The following POLE variants were observed in gnomAD, a reference collection of about 807,000 sequenced individuals.
POLE encodes DNA polymerase epsilon catalytic subunit A.
POLE carries 188 observed loss-of-function variants against 279.2 expected under a neutral mutation model. The ratio of observed to expected loss-of-function variants is 0.67; its 90% CI spans 0.60 to 0.76. The LOEUF (loss-of-function observed/expected upper bound fraction) is 0.76, where lower values mean the gene tolerates loss of function less well. Ranked by LOEUF, POLE falls within the 30% of genes least tolerant of loss-of-function variation. The pLI is 0.00. For missense variants in POLE, 2,703 were observed against 3,016.7 expected, an observed-to-expected ratio of 0.90 and a Z score of 2.44; for synonymous variants, 1,214 against 1,172.5, an observed-to-expected ratio of 1.04 and a Z score of -0.72.
chr12:132,677,097 C>T (rs921470451), intron 8 of POLE, among the ~76,000 whole-genome samples: 8 of 152,244 alleles, frequency 5.3e-5, no homozygotes, highest in African/African-American at 1.9e-4. Context: ...TCACTATCAA[C>T]TACCCAAACG....
In POLE at chr12:132,660,991, C is replaced by G. The variant is rs778450132; in HGVS notation, c.3038G>C (p.Trp1013Ser). The change falls in exon 25 of 49, where the codon TGG becomes TCG. Residue 1013 changes from tryptophan (W) to serine (S), a missense_variant. By Grantham distance (177) the Trp-to-Ser change is radical. Transcript: ENST00000320574. ...YGSVAKVADY[W>S]LDVLYSKAAN... ...TACCTTGCTGTACAGCACGTCCAGC[C>G]AGTAGTCAGCCACCTTGGCTACAGA... is the stretch of plus-strand genomic sequence containing the variant. The G allele has an allele frequency of 1.2e-6, 2 of 1,612,916 alleles. No individual in the cohort carries two copies. Among genetic ancestry groups the G allele is most frequent in the Non-Finnish European group, 1.7e-6 (2 of 1,179,404 alleles).
chr12:132,679,752 C>G, intron 5 of POLE, 101 bp from the exon 6 acceptor site: 1 of 1,372,514 alleles, frequency 7.3e-7, no homozygotes, highest in Non-Finnish European at 1.0e-6. Flanking sequence ...AAAGAGTTGG[C>G]GACTTCAAGG....
chr12:132,669,336 C>A (rs1275915708), intron 16 of POLE, among the ~76,000 whole-genome samples: 1 of 151,970 alleles, frequency 6.6e-6, no homozygotes, highest in East Asian at 1.9e-4. Context: ...GTGGCGGTGG[C>A]ACCTGTAGTC....
chr12:132,662,046 T>C (rs1051057356), intron 23 of POLE, among the ~76,000 whole-genome samples: 4 of 152,206 alleles, frequency 2.6e-5, no homozygotes, highest in African/African-American at 9.7e-5. Flanking sequence ...TGCTTCGTGG[T>C]GCTGGACACA....
chr12:132,644,636 G>A (rs1024579420), intron 32 of POLE, among the ~76,000 whole-genome samples: 2 of 152,212 alleles, frequency 1.3e-5, no homozygotes, highest in Admixed American at 6.5e-5. Flanking sequence ...TCAGAGAAAC[G>A]GAAAGAGAGC....
chr12:132,642,193 T>C lies in POLE; in HGVS notation c.5157A>G (p.Ser1719=). The part of the protein sequence containing the change: ...DDQATVEINS[S]GCYSTVCVEL... The stretch of plus-strand genomic sequence containing the variant: ...CCCACTTACCTGTGGAGTAACAGCC[T>C]GAACTGTTGATCTCAACAGTGGCTT... The change falls in exon 38 of 49, where the codon TCA becomes TCG. Residue 1719 remains serine, a synonymous_variant. Coordinates refer to ENST00000320574, the MANE Select transcript of POLE (RefSeq NM_006231.4). The C allele has an allele frequency of 6.3e-7, 1 of 1,582,874 alleles. No homozygotes were observed. The highest frequency in any genetic ancestry group is 1.2e-5 in the South Asian group (1 of 85,644).
At chr12:132,680,809 C>A in intron 2 of POLE, 122 bp from the exon 3 acceptor site, 2 of 757,312 alleles carry the variant, frequency 2.6e-6, no homozygotes, top group South Asian at 1.6e-5. Context: ...GGTCTTTACT[C>A]CACCCCTACA....
At position 132,664,019 on chromosome 12, in the gene POLE, C is replaced by T. The variant is rs2135956499; in HGVS notation, c.2691G>A (p.Leu897=). The T allele has an allele frequency of 6.2e-7, 1 of 1,614,150 alleles. No individual in the cohort carries two copies. The highest frequency in any genetic ancestry group is 8.5e-7 in the Non-Finnish European group (1 of 1,180,046). The change falls in exon 23 of 49, where the codon TTG becomes TTA. Residue 897 remains leucine (L), a synonymous_variant. Transcript: ENST00000320574. This position sits in a 1 kb window ranked among gnomAD's most constrained non-coding sequence, Gnocchi z 5.3. ...KVTISYPGAM[L]NIMVKEGFTN... The stretch of plus-strand genomic sequence containing the variant: ...CCAGACTCACCTTGACCATGATGTT[C>T]AACATGGCGCCTGGGTAGGAGATGG...
At chr12:132,666,451 G>A (rs1193362976) in intron 20 of POLE, among the ~76,000 whole-genome samples, 3 of 152,230 alleles carry the variant, frequency 2.0e-5, no homozygotes, top group Non-Finnish European at 2.9e-5. Context: ...AGGCGTGATG[G>A]TACGCCTGTG....
intron 1 of POLE, among the ~76,000 whole-genome samples, chr12:132,682,311 A>AT (rs1555230618): frequency 1.6e-4 from 12 of 74,380 alleles, no homozygotes; most frequent in South Asian, 5.3e-4. Flanking sequence ...AAAATAAATA[A>AT]AAATAAATAA....
In POLE at chr12:132,639,574, G is replaced by C. The variant is rs2042100535; in HGVS notation, c.5379-276C>G. 6.6e-6 allele frequency among the ~76,000 whole-genome samples: 1 copy of C among 151,952 alleles called. No homozygotes were observed. Among genetic ancestry groups the C allele is most frequent in the Admixed American group, 6.5e-5 (1 of 15,270 alleles). On this transcript the variant is annotated intron_variant, in intron 39 of 48. Coordinates refer to ENST00000320574, the MANE Select transcript of POLE (RefSeq NM_006231.4). This position sits in a 1 kb window ranked among gnomAD's most constrained non-coding sequence, Gnocchi z 4.7. ...GTGTGTTCTAAAGCAGGACGGGAGG[G>C]CAGCACAGTACAAAGCAGCAAGTGT... is the stretch of plus-strand genomic sequence containing the variant.
rs557279921 is a variant in POLE, at chr12:132,660,730, C to A, written c.3060+239G>T. The A allele has an allele frequency of 1.4e-5, 5 of 346,464 alleles. 1 individual carries two copies. Among genetic ancestry groups the A allele is most frequent in the South Asian group, 1.0e-4 (1 of 9,634 alleles). The allele number at this position is 346,464 out of a possible 1,614,324, so 21.5% of individuals were successfully genotyped here. On this transcript the variant is annotated intron_variant, in intron 25 of 48. Coordinates refer to ENST00000320574, the MANE Select transcript of POLE (RefSeq NM_006231.4). ...TAGCTGGGACCACAGGCACGCATCA[C>A]CATGCCAGGCTTATCACGCTATTTA...
intron 32 of POLE, chr12:132,648,423 A>C (rs1350478387): frequency 6.6e-6 from 1 of 152,296 alleles, no homozygotes; most frequent in East Asian, 1.9e-4. Context: ...TGGGTGCAGC[A>C]AACCACCATG....
rs2138657867 is a variant in POLE, at chr12:132,657,261, G to A, written c.3460-3C>T. Reference sequence around the variant, plus strand: ...ACACGTGGCACTGGGTTCTTTACCTGTGTGAGGCCAACACCCATCAGAGAG... The same window carrying A: ...ACACGTGGCACTGGGTTCTTTACCTATGTGAGGCCAACACCCATCAGAGAG... On this transcript the variant is annotated splice_polypyrimidine_tract_variant and splice_region_variant and intron_variant, in intron 28 of 48. Coordinates refer to ENST00000320574, the MANE Select transcript of POLE (RefSeq NM_006231.4). 3.1e-6 allele frequency: 5 copies of A among 1,614,058 alleles called. No individual in the cohort carries two copies. Among genetic ancestry groups the A allele is most frequent in the South Asian group, 1.1e-5 (1 of 91,078 alleles).
chr12:132,680,127 C>T (rs771550771), intron 4 of POLE, 51 bp downstream of exon 4: 27 of 1,600,750 alleles, frequency 1.7e-5, no homozygotes, highest in Non-Finnish European at 2.2e-5. Context: ...GCAAAGCCCA[C>T]CACAGAATGA....
chr12:132,657,028 G>T, intron 29 of POLE, 108 bp downstream of exon 29: 1 of 1,238,058 alleles, frequency 8.1e-7, no homozygotes, highest in Non-Finnish European at 1.1e-6. Flanking sequence ...GTCCATTTTC[G>T]ATGCTTGAAC....
At position 132,664,179 on chromosome 12, in the gene POLE, G is replaced by A. The variant is rs1258971773; in HGVS notation, c.2562-31C>T. On this transcript the variant is annotated intron_variant, in intron 22 of 48. Transcript: ENST00000320574. The surrounding 1 kb of genome is among the most constrained non-coding windows in gnomAD (Gnocchi z 5.3). ...GAGAAAGAGAGGAGCAAGGTCGTGA[G>A]TTCCCCTTTCCTTTTCACCCAGTGT... 1 of 1,611,608 alleles carries A rather than the reference G, an allele frequency of 6.2e-7. No individual in the cohort carries two copies. Among genetic ancestry groups the A allele is most frequent in the African/African-American group, 1.3e-5 (1 of 74,874 alleles).
At chr12:132,648,054 T>G (rs961366243) in intron 32 of POLE, among the ~76,000 whole-genome samples, 3 of 152,074 alleles carry the variant, frequency 2.0e-5, no homozygotes, top group African/African-American at 7.2e-5. Context: ...CAGCATCCAG[T>G]CAAGAAATGT....
intron 1 of POLE, among the ~76,000 whole-genome samples, chr12:132,682,036 A>G: frequency 6.6e-6 from 1 of 152,052 alleles, no homozygotes. Context: ...AATACAAAAA[A>G]TTAAATCCCA....
Sources: gnomAD v4.1 joint callset for allele counts (sites outside exome capture counted in the v4.1 genomes callset) on GRCh38, gnomAD v4.1.1 for gene constraint, Gnocchi (gnomAD v3.1) non-coding constraint, MANE v1.5 for transcripts, NCBI Gene and HGNC (gene_info 2026-07-23, HGNC 2026-07-21) for gene names.